The following ECPAS variants were observed in gnomAD, a reference collection of about 807,000 sequenced individuals.
ECPAS encodes the protein Ecm29 proteasome adaptor and scaffold.
ECPAS carries 70 observed loss-of-function variants against 255.1 expected under a neutral mutation model. That is an observed-to-expected ratio of 0.27 (90% CI 0.23 to 0.33). The LOEUF is 0.33. ECPAS is among the 10% of genes least tolerant of loss of function. The pLI, the probability that ECPAS is intolerant of heterozygous loss-of-function variation, is 1.00. For synonymous variants in ECPAS, 784 were observed against 775.0 expected, an observed-to-expected ratio of 1.01 and a Z score of -0.19; for missense variants, 1,817 against 2,206.4, an observed-to-expected ratio of 0.82 and a Z score of 3.54.
chr9:111,484,105 G>C lies in ECPAS; in HGVS notation c.-83+11C>G, dbSNP rs2098311645. ...GGCCAGTCCCCCGCGGCCCGGGGGC[G>C]GGCCTCTGACCTGAGTCGGAGCCGG... On this transcript the variant is annotated intron_variant, in intron 1 of 49. Coordinates refer to ENST00000684092, the MANE Select transcript of ECPAS (RefSeq NM_001364929.1). The C allele has an allele frequency of 7.4e-7, 1 of 1,357,102 alleles. No homozygotes were observed. Among genetic ancestry groups the C allele is most frequent in the South Asian group, 1.7e-5 (1 of 60,180 alleles). 84.1% of individuals were successfully genotyped at this position (1,357,102 alleles called of 1,614,324 possible).
chr9:111,416,664 A>C (rs2098204041), intron 17 of ECPAS, among the ~76,000 whole-genome samples: 1 of 152,186 alleles, frequency 6.6e-6, no homozygotes, highest in South Asian at 2.1e-4. Context: ...TCAAAGTAGG[A>C]GGAAACTACA....
intron 15 of ECPAS, among the ~76,000 whole-genome samples, chr9:111,421,257 T>C (rs1213355781): frequency 6.6e-6 from 1 of 152,180 alleles, no homozygotes; most frequent in African/African-American, 2.4e-5. Flanking sequence ...CTCAAAATAT[T>C]AAATCATGTC....
chr9:111,478,620 A>ATAAC (rs2098299603), intron 1 of ECPAS, among the ~76,000 whole-genome samples: 1 of 152,250 alleles, frequency 6.6e-6, no homozygotes, highest in African/African-American at 2.4e-5. Context: ...GGTAGCAGAT[A>ATAAC]TAACTGAAAG....
intron 2 of ECPAS, among the ~76,000 whole-genome samples, chr9:111,459,056 T>C (rs2098270196): frequency 6.6e-6 from 1 of 152,178 alleles, no homozygotes; most frequent in Non-Finnish European, 1.5e-5. Flanking sequence ...GTAGGTGGCA[T>C]ATGAAGTCGA....
chr9:111,404,834 A>C lies in ECPAS; in HGVS notation c.2652+3737T>G, dbSNP rs536856094. On this transcript the variant is annotated intron_variant, in intron 24 of 49. Transcript: ENST00000684092. The stretch of plus-strand genomic sequence containing the variant: ...CTACCAAAAAAAAAAAAAAAAAAAA[A>C]CCTAGGGATAAATTATAACCAAAGA... 2.8e-3 allele frequency among the ~76,000 whole-genome samples: 414 copies of C among 148,148 alleles called. 44 individuals carry two copies. The highest frequency in any genetic ancestry group is 0.01 in the African/African-American group (392 of 38,838).
In ECPAS at chr9:111,410,094, G is replaced by A. The variant is rs768499697; in HGVS notation, c.2497C>T (p.His833Tyr). 3.1e-6 allele frequency: 5 copies of A among 1,595,930 alleles called. No homozygotes were observed. Among genetic ancestry groups the A allele is most frequent in the Admixed American group, 1.8e-5 (1 of 57,090 alleles). ...PSEGSGFTKL[H>Y]LVESLLSRIP... is the part of the protein sequence containing the mutation. Reference sequence around the variant, plus strand: ...CTACTTAGTAAGCTTTCTACAAGATGCAATTTGGTAAAGCCAGATCCCTCA... The same window carrying A: ...CTACTTAGTAAGCTTTCTACAAGATACAATTTGGTAAAGCCAGATCCCTCA... The change falls in exon 23 of 50, where the codon CAT (histidine) becomes TAT (tyrosine). Residue 833 changes from histidine to tyrosine, a missense_variant. Physicochemically the swap from His to Tyr is moderately conservative, Grantham distance 83 (BLOSUM62 2). This residue lies in a region of ECPAS where 194 missense variants were observed against 152.8 expected (regional missense o/e 1.27). Coordinates refer to ENST00000684092, the MANE Select transcript of ECPAS (RefSeq NM_001364929.1).
chr9:111,380,567 A>C lies in ECPAS; in HGVS notation c.3804-1837T>G, dbSNP rs554149139. 1.9e-3 allele frequency among the ~76,000 whole-genome samples: 293 copies of C among 152,280 alleles called. 1 individual carries two copies. The highest frequency in any genetic ancestry group is 6.8e-3 in the African/African-American group (284 of 41,574). ...TAGTCACCAGCTGCATTGGCCCCTA[A>C]CAAGACAGTCAGCCTGGCCTTTGAA... On this transcript the variant is annotated intron_variant, in intron 35 of 49. Coordinates refer to ENST00000684092, the MANE Select transcript of ECPAS (RefSeq NM_001364929.1).
At chr9:111,449,963 C>T (rs544909277) in intron 3 of ECPAS, among the ~76,000 whole-genome samples, 9 of 152,330 alleles carry the variant, frequency 5.9e-5, no homozygotes, top group Non-Finnish European at 1.0e-4. Flanking sequence ...ACTTCCTGCA[C>T]ACCACAGAGG....
At chr9:111,389,879 C>CA in intron 30 of ECPAS, 105 bp downstream of exon 30, 1 of 1,118,076 alleles carries the variant, frequency 8.9e-7, no homozygotes, top group Non-Finnish European at 1.3e-6. Flanking sequence ...TCATCAGGCA[C>CA]AGACTTTCAC....
In ECPAS at chr9:111,389,537, G is replaced by C; in HGVS notation, c.3447+19C>G. ...CAGTCTACAGTGTTTTCCTAACACA[G>C]GGGTTCACAGACACTTACCATGGAT... On this transcript the variant is annotated intron_variant, in intron 31 of 49. Transcript: ENST00000684092. The C allele has an allele frequency of 6.2e-7, 1 of 1,606,100 alleles. No homozygotes were observed. The highest frequency in any genetic ancestry group is 8.5e-7 in the Non-Finnish European group (1 of 1,175,428).
At chr9:111,454,768 G>A (rs1326195908) in intron 2 of ECPAS, among the ~76,000 whole-genome samples, 1 of 151,322 alleles carries the variant, frequency 6.6e-6, no homozygotes, top group East Asian at 1.9e-4. Context: ...GAGTGCAGTG[G>A]CGCTATCCAC....
At chr9:111,382,176 C>A (rs780472635) in intron 35 of ECPAS, among the ~76,000 whole-genome samples, 20 of 151,556 alleles carry the variant, frequency 1.3e-4, no homozygotes, top group Non-Finnish European at 2.2e-4. Flanking sequence ...TTATAAAGTT[C>A]TCTTCAGCCA....
intron 42 of ECPAS, among the ~76,000 whole-genome samples, chr9:111,372,156 A>G (rs190523028): frequency 6.6e-6 from 1 of 152,332 alleles, no homozygotes; most frequent in East Asian, 1.9e-4. Context: ...AAAAATGTAA[A>G]GCTCTCCTTG....
Position 111,425,808 on chromosome 9 carries a change from A to G in ECPAS, c.1071T>C (p.Phe357=). 1 of 1,572,794 alleles carries G rather than the reference A, an allele frequency of 6.4e-7. No individual in the cohort carries two copies. The highest frequency in any genetic ancestry group is 8.7e-7 in the Non-Finnish European group (1 of 1,146,780). Residue 357 remains phenylalanine (F), a synonymous_variant, in exon 11 of 50, where the codon TTT becomes TTC. Transcript: ENST00000684092. ...TTAACTTTGAATTTGTATTTGTACC[A>G]AAAAGTCCATCATACACCACCTATG... ...ANIQVVYDGL[F]GTNTNSKLRT...
chr9:111,396,947 TA>T lies in ECPAS; in HGVS notation c.2776+82del, dbSNP rs2098168470. 2.0e-6 allele frequency: 3 copies of T among 1,512,148 alleles called. No individual in the cohort carries two copies. In the East Asian group the frequency reaches 6.8e-5, roughly 34 times the overall value. The allele number at this position is 1,512,148 out of a possible 1,614,324, so 93.7% of individuals were successfully genotyped here. On this transcript the variant is annotated intron_variant, in intron 25 of 49. Coordinates refer to ENST00000684092, the MANE Select transcript of ECPAS (RefSeq NM_001364929.1). ...TTTGAAAACAGTAATATGGAATGTGTAATGTTTTTGCCTCAAATGTGATAAA... is the reference window on the plus strand; with the variant it reads ...TTTGAAAACAGTAATATGGAATGTGTATGTTTTTGCCTCAAATGTGATAAA...
chr9:111,389,502 T>C, intron 31 of ECPAS, 54 bp downstream of exon 31: 1 of 1,471,726 alleles, frequency 6.8e-7, no homozygotes, highest in Non-Finnish European at 9.1e-7. Flanking sequence ...ATCCTATGCA[T>C]GACCCTGGAC....
chr9:111,403,071 G>A (rs1402991447), intron 24 of ECPAS, among the ~76,000 whole-genome samples: 1 of 152,060 alleles, frequency 6.6e-6, no homozygotes, highest in African/African-American at 2.4e-5. Context: ...AATTCACTTT[G>A]GCTGGGCACG....
intron 29 of ECPAS, among the ~76,000 whole-genome samples, chr9:111,391,034 G>C (rs983881423): frequency 6.6e-6 from 1 of 152,130 alleles, no homozygotes; most frequent in African/African-American, 2.4e-5. Flanking sequence ...CCAATGGCTG[G>C]TCACTGAGAG....
At chr9:111,378,385 T>C (rs1589121653) in intron 36 of ECPAS, among the ~76,000 whole-genome samples, 195 bp downstream of exon 36, 3 of 152,206 alleles carry the variant, frequency 2.0e-5, no homozygotes. Context: ...TAGATGGAAG[T>C]GTCAGTTTTC....
Sources: gnomAD v4.1 joint callset for allele counts (sites outside exome capture counted in the v4.1 genomes callset) on GRCh38, gnomAD v4.1.1 for gene constraint, gnomAD v4.1.1 regional missense constraint, MANE v1.5 for transcripts, NCBI Gene and HGNC (gene_info 2026-07-23, HGNC 2026-07-21) for gene names.